LIMS1: variants seen among roughly 807,000 people sequenced by gnomAD.
The protein encoded by LIMS1 is LIM and senescent cell antigen-like-containing domain protein 1.
Under a neutral mutation model 44.1 loss-of-function variants are expected in LIMS1, and 18 were observed. The ratio of observed to expected loss-of-function variants is 0.41; its 90% confidence interval spans 0.28 to 0.61. The LOEUF (loss-of-function observed/expected upper bound fraction) is 0.61. Among genes scored for constraint, LIMS1 ranks in the 20% least tolerant of loss-of-function variants. The pLI is 0.32. For synonymous variants in LIMS1, 93 were observed against 149.1 expected (o/e 0.62, Z 2.74); for missense variants, 201 against 422.0 (o/e 0.48, Z 4.59).
intron 1 of LIMS1, among the ~76,000 whole-genome samples, chr2:108,622,869 T>A (rs1345592556): frequency 6.6e-6 from 1 of 152,108 alleles, no homozygotes; most frequent in Non-Finnish European, 1.5e-5. Flanking sequence ...TAAACCAACC[T>A]TTTCTTTATT....
At chr2:108,656,318 TATAG>T (rs61527656) in intron 1 of LIMS1, among the ~76,000 whole-genome samples, 4,773 of 84,058 alleles carry the variant, frequency 0.057, 188 homozygotes, top group African/African-American at 0.15. Flanking sequence ...TCTATCTATC[TATAG>T]ATAGATAGAT....
chr2:108,579,859 C>T (rs894895352), intron 1 of LIMS1, among the ~76,000 whole-genome samples: 2 of 152,124 alleles, frequency 1.3e-5, no homozygotes, highest in African/African-American at 4.8e-5. Context: ...TGACTGAGTC[C>T]GAGTGTGAAT....
At chr2:108,536,196 A>AT (rs1684133978) in intron 1 of LIMS1, among the ~76,000 whole-genome samples, 3 of 152,158 alleles carry the variant, frequency 2.0e-5, no homozygotes, top group African/African-American at 7.2e-5. Flanking sequence ...ACCATTAGTA[A>AT]TTTACTTTTT....
chr2:108,642,465 T>A (rs528787724), intron 1 of LIMS1, among the ~76,000 whole-genome samples: 19 of 147,848 alleles, frequency 1.3e-4, no homozygotes, highest in Middle Eastern at 3.5e-3. Flanking sequence ...GTTCACGCCA[T>A]TCTCCTGCCT....
chr2:108,586,574 G>A (rs773287419), intron 1 of LIMS1, among the ~76,000 whole-genome samples: 7 of 152,204 alleles, frequency 4.6e-5, no homozygotes, highest in Admixed American at 2.0e-4. Context: ...GTCCTTATGC[G>A]AGTGGCGCAT....
intron 1 of LIMS1, among the ~76,000 whole-genome samples, chr2:108,592,616 T>C (rs1417951244): frequency 6.6e-6 from 1 of 152,178 alleles, no homozygotes; most frequent in Non-Finnish European, 1.5e-5. Context: ...TTGTCACTTA[T>C]TTAACAGTTT....
chr2:108,552,553 G>A (rs940380735), intron 1 of LIMS1, among the ~76,000 whole-genome samples: 1 of 144,058 alleles, frequency 6.9e-6, no homozygotes, highest in African/African-American at 2.6e-5. Context: ...TACACTATGA[G>A]TGAACTTTGG....
intron 1 of LIMS1, among the ~76,000 whole-genome samples, chr2:108,627,005 T>C (rs1325933886): frequency 6.6e-6 from 1 of 152,254 alleles, no homozygotes; most frequent in African/African-American, 2.4e-5. Context: ...TTTAATCTTT[T>C]AAACCGTATT....
intron 1 of LIMS1, among the ~76,000 whole-genome samples, chr2:108,605,972 C>T (rs940327459): frequency 6.6e-6 from 1 of 152,244 alleles, no homozygotes; most frequent in Non-Finnish European, 1.5e-5. Flanking sequence ...GTGAAGCTGG[C>T]AACCAGGCCT....
At chr2:108,569,928 G>A (rs536320822) in intron 1 of LIMS1, among the ~76,000 whole-genome samples, 16 of 151,900 alleles carry the variant, frequency 1.1e-4, no homozygotes, top group African/African-American at 3.9e-4. Context: ...GGGTAGAGGA[G>A]GGAGAGTGAA....
intron 1 of LIMS1, among the ~76,000 whole-genome samples, chr2:108,591,986 A>T (rs1686428070): frequency 6.6e-6 from 1 of 151,808 alleles, no homozygotes; most frequent in Admixed American, 6.6e-5. Context: ...GTAGAGACGA[A>T]GTTTCACCAT....
chr2:108,577,092 A>G (rs1685700137), intron 1 of LIMS1, among the ~76,000 whole-genome samples: 1 of 152,246 alleles, frequency 6.6e-6, no homozygotes, highest in Non-Finnish European at 1.5e-5. Flanking sequence ...TGCACTCAAC[A>G]TGTTTTATGA....
Position 108,597,034 on chromosome 2 carries a change from G to A in LIMS1, c.32+62440G>A, listed in dbSNP as rs541039880. Among the ~76,000 whole-genome samples, 6 of 143,166 alleles carry A rather than the reference G, an allele frequency of 4.2e-5. No individual in the cohort carries two copies. The East Asian group carries it at 1.1e-3, about 26-fold the overall frequency. The allele number at this position is 143,166 out of a possible 152,430, so 93.9% of individuals were successfully genotyped here. On this transcript the variant is annotated intron_variant, in intron 1 of 9. Transcript: ENST00000544547. ...AACGATTCTCCTGCCTCAGCCTCCCGAGAAGCTGGGATTACAGGCACGTAC... is the reference window on the plus strand; with the variant it reads ...AACGATTCTCCTGCCTCAGCCTCCCAAGAAGCTGGGATTACAGGCACGTAC...
chr2:108,538,218 A>T (rs577917157), intron 1 of LIMS1, among the ~76,000 whole-genome samples: 1 of 152,346 alleles, frequency 6.6e-6, no homozygotes, highest in East Asian at 1.9e-4. Context: ...TATACTGTGC[A>T]TTCTTCAGCA....
At chr2:108,682,389 A>T (rs1339464692) in intron 9 of LIMS1, among the ~76,000 whole-genome samples, 1 of 152,076 alleles carries the variant, frequency 6.6e-6, no homozygotes, top group East Asian at 1.9e-4. Context: ...AATCCCAGAT[A>T]CTCGCGAGGC....
Position 108,591,789 on chromosome 2 carries a change from G to GTTTTTTTTTTTT in LIMS1, c.32+57206_32+57207insTTTTTTTTTTTT, listed in dbSNP as rs935084572. Among the ~76,000 whole-genome samples the GTTTTTTTTTTTT allele has an allele frequency of 2.2e-5, 2 of 91,358 alleles. 1 individual carries two copies. Among genetic ancestry groups the GTTTTTTTTTTTT allele is most frequent in the African/African-American group, 7.1e-5 (2 of 28,102 alleles). 59.9% of individuals were successfully genotyped at this position (91,358 alleles called of 152,430 possible). ...AAGGGAACTTTTAAAAATGTTTTTA[G>GTTTTTTTTTTTT]TTTTTTTTTTTGTTTTTTTTTTTGA... On this transcript the variant is annotated intron_variant, in intron 1 of 9. Transcript: ENST00000544547.
chr2:108,645,213 A>G (rs1233757195), intron 1 of LIMS1, among the ~76,000 whole-genome samples: 1 of 152,170 alleles, frequency 6.6e-6, no homozygotes, highest in African/African-American at 2.4e-5. Flanking sequence ...CAAGGTTGAA[A>G]TGAAGGAAAA....
chr2:108,671,174 G>GA (rs1021575907), intron 3 of LIMS1, among the ~76,000 whole-genome samples: 9 of 151,738 alleles, frequency 5.9e-5, no homozygotes, highest in East Asian at 1.9e-4. Flanking sequence ...ATCTTGCGGG[G>GA]AAAAAAAGTA....
chr2:108,641,785 T>C (rs1193921002), intron 1 of LIMS1, among the ~76,000 whole-genome samples: 1 of 152,244 alleles, frequency 6.6e-6, no homozygotes, highest in African/African-American at 2.4e-5. Context: ...AAATGGCATA[T>C]TAATTACAAA....
Sources: gnomAD v4.1 joint callset for allele counts (sites outside exome capture counted in the v4.1 genomes callset) on GRCh38, gnomAD v4.1.1 for gene constraint, MANE v1.5 for transcripts, NCBI Gene and HGNC (gene_info 2026-07-23, HGNC 2026-07-21) for gene names.